The following RPIA variants were observed in gnomAD, a reference collection of about 807,000 sequenced individuals.
RPIA encodes the protein ribose-5-phosphate isomerase.
Under a neutral mutation model 37.8 loss-of-function variants are expected in RPIA, and 29 were observed. The observed-to-expected ratio is 0.77, with a 90% confidence interval of 0.57 to 1.05. The LOEUF is 1.05. Ranked by LOEUF, RPIA falls within the 50% of genes least tolerant of loss-of-function variation. The pLI is 0.00. For synonymous variants in RPIA, 167 were observed against 157.0 expected, an observed-to-expected ratio of 1.06 and a Z score of -0.48; for missense variants, 385 against 413.6, an observed-to-expected ratio of 0.93 and a Z score of 0.60.
At chr2:88,725,849 T>C (rs1413092178) in intron 3 of RPIA, among the ~76,000 whole-genome samples, 3 of 151,946 alleles carry the variant, frequency 2.0e-5, no homozygotes, top group Non-Finnish European at 2.9e-5. Context: ...AAGTCACAGG[T>C]TGGGAGAAGG....
At chr2:88,725,432 C>G (rs1434520315) in intron 3 of RPIA, among the ~76,000 whole-genome samples, 3 of 151,728 alleles carry the variant, frequency 2.0e-5, no homozygotes, top group Non-Finnish European at 4.4e-5. Context: ...TTCTCTGAGA[C>G]TGTGAAGGAG....
rs1044937890 is a variant in RPIA, at chr2:88,750,146, A to G, written c.*68A>G. ...ACAGCCAAGGTGGACGTACCTCTCCAGGAGCCTTTGCCTTAATGTATCTCT... is the reference window on the plus strand; with the variant it reads ...ACAGCCAAGGTGGACGTACCTCTCCGGGAGCCTTTGCCTTAATGTATCTCT... On this transcript the variant is annotated 3_prime_UTR_variant, in exon 9 of 9. Transcript: ENST00000283646. 1.7e-5 allele frequency: 17 copies of G among 990,482 alleles called. No homozygotes were observed. In the African/African-American group the frequency reaches 2.3e-4, roughly 13 times the overall value. The allele number at this position is 990,482 out of a possible 1,614,324, so 61.4% of individuals were successfully genotyped here.
chr2:88,728,887 A>G (rs981245185), intron 3 of RPIA, among the ~76,000 whole-genome samples: 7 of 152,202 alleles, frequency 4.6e-5, no homozygotes. Flanking sequence ...GATCTTCCTC[A>G]GTCTGTTTTT....
chr2:88,691,857 C>T lies in RPIA; in HGVS notation c.159C>T (p.Gly53=), dbSNP rs973203354. The change falls in exon 1 of 9, where the codon GGC becomes GGT. Residue 53 remains glycine (G), a synonymous_variant. Coordinates refer to ENST00000283646, the MANE Select transcript of RPIA (RefSeq NM_144563.3). ...GGCGTGCACAGTCTGGGACCCGTGG[C>T]GGTGCTGGCAACACAAGCACCAGCT... ...LPGRAQSGTR[G]GAGNTSTSCG... 12 of 1,595,258 alleles carry T rather than the reference C, an allele frequency of 7.5e-6. No homozygotes were observed. Among genetic ancestry groups the T allele is most frequent in the Non-Finnish European group, 1.0e-5 (12 of 1,172,362 alleles).
At chr2:88,701,639 G>T (rs960384707) in intron 3 of RPIA, among the ~76,000 whole-genome samples, 1 of 240 alleles carries the variant, frequency 4.2e-3, no homozygotes, top group Non-Finnish European at 9.3e-3. Flanking sequence ...AGCCACTATA[G>T]ATTTAAGTCA....
At chr2:88,711,477 A>G (rs1672961988) in intron 3 of RPIA, among the ~76,000 whole-genome samples, 1 of 152,226 alleles carries the variant, frequency 6.6e-6, no homozygotes, top group Non-Finnish European at 1.5e-5. Context: ...AATCAATAGA[A>G]GGGAATGTTT....
At chr2:88,695,331 A>G (rs1310700858) in intron 1 of RPIA, among the ~76,000 whole-genome samples, 1 of 152,220 alleles carries the variant, frequency 6.6e-6, no homozygotes, top group Non-Finnish European at 1.5e-5. Context: ...TTGGGAGCTG[A>G]GCCCTCAACC....
At chr2:88,736,475 G>T (rs867988203) in intron 6 of RPIA, 60 bp from the exon 7 acceptor site, 7 of 1,596,740 alleles carry the variant, frequency 4.4e-6, no homozygotes, top group Non-Finnish European at 6.0e-6. Flanking sequence ...TGAATTTGGT[G>T]TTTGCCTGTA....
At chr2:88,712,279 G>A (rs1445298302) in intron 3 of RPIA, among the ~76,000 whole-genome samples, 1 of 152,168 alleles carries the variant, frequency 6.6e-6, no homozygotes, top group Non-Finnish European at 1.5e-5. Flanking sequence ...CATCTGATAG[G>A]CAAGAAGGTT....
chr2:88,704,365 A>G (rs111357003), intron 3 of RPIA, among the ~76,000 whole-genome samples: 2,808 of 152,338 alleles, frequency 0.018, 36 homozygotes, highest in Non-Finnish European at 0.029. Flanking sequence ...GGGAAGCCTC[A>G]CAATCATGGC....
chr2:88,698,084 C>CT lies in RPIA; in HGVS notation c.286-384dup, dbSNP rs551033597. 4.9e-3 allele frequency among the ~76,000 whole-genome samples: 671 copies of CT among 138,002 alleles called. 4 individuals carry two copies. Among genetic ancestry groups the CT allele is most frequent in the Middle Eastern group, 0.037 (10 of 272 alleles). The allele number at this position is 138,002 out of a possible 152,430, so 90.5% of individuals were successfully genotyped here. On this transcript the variant is annotated intron_variant, in intron 1 of 8. Transcript: ENST00000283646. ...CTTTCTTCTTCTTCTTTCTTTCTTT[C>CT]TTTTTTTTTTTTTTTTAAACACACT...
intron 1 of RPIA, among the ~76,000 whole-genome samples, chr2:88,697,626 CT>C (rs1233712532): frequency 6.6e-6 from 1 of 152,126 alleles, no homozygotes; most frequent in Non-Finnish European, 1.5e-5. Context: ...GTTTGGTCTG[CT>C]TGTAGGTAGG....
rs773438515 is a variant in RPIA, at chr2:88,691,726, C to T, written c.28C>T (p.Leu10Phe). Residue 10 changes from leucine (L) to phenylalanine (F), a missense_variant, in exon 1 of 9, where the codon CTC becomes TTC. Around this residue, in one of 2 missense-constraint regions of RPIA, gnomAD observed 232 missense variants for 203.0 expected, o/e 1.14. Coordinates refer to ENST00000283646, the MANE Select transcript of RPIA (RefSeq NM_144563.3). Reference sequence around the variant, plus strand: ...GCAGCGCCCCGGGCCCTTCAGCACCCTCTACGGGCGGGTCTTGGCCCCGCT... The same window carrying T: ...GCAGCGCCCCGGGCCCTTCAGCACCTTCTACGGGCGGGTCTTGGCCCCGCT... The part of the protein sequence containing the change: MQRPGPFST[L>F]YGRVLAPLPG... The T allele has an allele frequency of 1.3e-6, 2 of 1,592,850 alleles. No homozygotes were observed. The highest frequency in any genetic ancestry group is 1.3e-5 in the African/African-American group (1 of 74,694).
rs376330785 is a variant in RPIA at position 88,718,808 on chromosome 2, A to G, written c.403-10470A>G. On this transcript the variant is annotated intron_variant, in intron 3 of 8. Coordinates refer to ENST00000283646, the MANE Select transcript of RPIA (RefSeq NM_144563.3). ...TCCCCAAGTTTTATAGAAATCAGGT[A>G]GAGAAAAACAAATATGCCCCAAATT... is the stretch of plus-strand genomic sequence containing the variant. 5.3e-5 allele frequency among the ~76,000 whole-genome samples: 8 copies of G among 152,362 alleles called. 1 individual carries two copies. In the South Asian group the frequency reaches 1.7e-3, roughly 32 times the overall value.
At chr2:88,746,667 G>T (rs1673441511) in intron 8 of RPIA, among the ~76,000 whole-genome samples, 4 of 152,340 alleles carry the variant, frequency 2.6e-5, no homozygotes, top group Middle Eastern at 3.4e-3. Context: ...GGTGGCAGGA[G>T]AGTGAAGTGG....
chr2:88,750,137 T>G lies in RPIA; in HGVS notation c.*59T>G. 8.1e-7 allele frequency: 1 copy of G among 1,231,150 alleles called. No individual in the cohort carries two copies. The highest frequency in any genetic ancestry group is 1.2e-6 in the Non-Finnish European group (1 of 837,450). 76.3% of individuals were successfully genotyped at this position (1,231,150 alleles called of 1,614,324 possible). The stretch of plus-strand genomic sequence containing the variant: ...CTCCAGCCCACAGCCAAGGTGGACG[T>G]ACCTCTCCAGGAGCCTTTGCCTTAA... On this transcript the variant is annotated 3_prime_UTR_variant, in exon 9 of 9. Coordinates refer to ENST00000283646, the MANE Select transcript of RPIA (RefSeq NM_144563.3).
chr2:88,709,624 G>T (rs1356649485), intron 3 of RPIA, among the ~76,000 whole-genome samples: 1 of 152,198 alleles, frequency 6.6e-6, no homozygotes, highest in Non-Finnish European at 1.5e-5. Flanking sequence ...CAAGTCTGTT[G>T]TTGAGTCCAT....
Position 88,745,981 on chromosome 2 carries a change from A to G in RPIA, c.839-4000A>G, listed in dbSNP as rs142285099. Among the ~76,000 whole-genome samples, 238 of 151,778 alleles carry G rather than the reference A, an allele frequency of 1.6e-3. 1 individual carries two copies. The highest frequency in any genetic ancestry group is 5.4e-3 in the African/African-American group (224 of 41,376). On this transcript the variant is annotated intron_variant, in intron 8 of 8. Coordinates refer to ENST00000283646, the MANE Select transcript of RPIA (RefSeq NM_144563.3). Reference sequence around the variant, plus strand: ...CTTGGAGGCTTTGTTCATTTTTTTGATTCTTTTTTTCTTTGTCTTTCTTGG... The same window carrying G: ...CTTGGAGGCTTTGTTCATTTTTTTGGTTCTTTTTTTCTTTGTCTTTCTTGG...
rs335114 is a variant in RPIA at position 88,727,838 on chromosome 2, G to C, written c.403-1440G>C. ...TCCTTTTCAGCATATATTTCTCTTT[G>C]ATAAGTTCAAAATCATAAGGTTTTT... On this transcript the variant is annotated intron_variant, in intron 3 of 8. Transcript: ENST00000283646. 6.4e-4 allele frequency among the ~76,000 whole-genome samples: 98 copies of C among 152,230 alleles called. 1 individual carries two copies. The highest frequency in any genetic ancestry group is 2.1e-3 in the African/African-American group (88 of 41,522).
Sources: gnomAD v4.1 joint callset for allele counts (sites outside exome capture counted in the v4.1 genomes callset) on GRCh38, gnomAD v4.1.1 for gene constraint, gnomAD v4.1.1 regional missense constraint, MANE v1.5 for transcripts, NCBI Gene and HGNC (gene_info 2026-07-23, HGNC 2026-07-21) for gene names.